Variants in C1QTNF3 observed in about 807,000 individuals in gnomAD.
C1QTNF3 encodes C1q and TNF related 3, also known as complement C1q tumor necrosis factor-related protein 3.
Under a neutral mutation model 32.6 loss-of-function variants are expected in C1QTNF3, and 26 were observed. The ratio of observed to expected loss-of-function variants is 0.80; its 90% CI spans 0.58 to 1.11. The LOEUF is 1.11. Among genes scored for constraint, C1QTNF3 ranks in the 50% least tolerant of loss-of-function variants. C1QTNF3 has a pLI of 0.00. For missense variants in C1QTNF3, 362 were observed against 398.2 expected, an observed-to-expected ratio of 0.91 and a Z score of 0.77; for synonymous variants, 155 against 146.0, an observed-to-expected ratio of 1.06 and a Z score of -0.44.
At chr5:34,237,250 A>G in the C1QTNF3 span, among the ~76,000 whole-genome samples, 1 of 152,188 alleles carries the variant, frequency 6.6e-6, no homozygotes. Flanking sequence ...TACGGGTAAA[A>G]TGACAAATTC....
At chr5:34,197,922 T>G in the C1QTNF3 span, among the ~76,000 whole-genome samples, 1 of 151,856 alleles carries the variant, frequency 6.6e-6, no homozygotes, top group African/African-American at 2.4e-5. Context: ...AGGACGCTTT[T>G]TGGGGTCTCT....
chr5:34,156,035 C>T, the C1QTNF3 span, among the ~76,000 whole-genome samples: 76,286 of 151,988 alleles, frequency 0.5, 20,954 homozygotes, highest in Non-Finnish European at 0.61. Context: ...GTCTCGACTA[C>T]ACCATGAGGA....
chr5:34,243,912 ACTAT>A, the C1QTNF3 span, among the ~76,000 whole-genome samples: 4 of 152,130 alleles, frequency 2.6e-5, no homozygotes, highest in Admixed American at 6.5e-5. Flanking sequence ...CTGCATATGC[ACTAT>A]CTGTGTCTGA....
chr5:34,032,847 T>C (rs1212910343), intron 3 of C1QTNF3, among the ~76,000 whole-genome samples: 1 of 152,088 alleles, frequency 6.6e-6, no homozygotes, highest in Non-Finnish European at 1.5e-5. Flanking sequence ...GAAAACAATA[T>C]ATATCAATAT....
the C1QTNF3 span, among the ~76,000 whole-genome samples, chr5:34,049,014 C>A: frequency 1.3e-5 from 2 of 152,074 alleles, no homozygotes. Context: ...TTTCTTTCTT[C>A]AGACAGAGGG....
chr5:34,046,860 T>C (rs139617747), upstream of C1QTNF3, among the ~76,000 whole-genome samples: 641 of 152,334 alleles, frequency 4.2e-3, 8 homozygotes, highest in African/African-American at 0.015. Context: ...CTTAAGTTCA[T>C]GGGCAGTAAG....
the C1QTNF3 span, among the ~76,000 whole-genome samples, chr5:34,139,211 C>A: frequency 4.4e-4 from 66 of 151,290 alleles, no homozygotes; most frequent in African/African-American, 1.5e-3. Flanking sequence ...TATATGTGTG[C>A]TTATATATAC....
At chr5:34,141,962 C>A in the C1QTNF3 span, among the ~76,000 whole-genome samples, 1 of 152,028 alleles carries the variant, frequency 6.6e-6, no homozygotes, top group Non-Finnish European at 1.5e-5. Context: ...GAGCCAAGAT[C>A]TGTGGCCATT....
the C1QTNF3 span, among the ~76,000 whole-genome samples, chr5:34,162,495 G>A: frequency 1.3e-5 from 2 of 151,962 alleles, no homozygotes; most frequent in Non-Finnish European, 2.9e-5. Flanking sequence ...AACCATAGCA[G>A]GTATATAATC....
the C1QTNF3 span, among the ~76,000 whole-genome samples, chr5:34,156,712 A>C: frequency 6.6e-6 from 1 of 152,348 alleles, no homozygotes; most frequent in East Asian, 1.9e-4. Flanking sequence ...GTGGGGGGAA[A>C]TTATTGACCC....
At chr5:34,062,680 G>A in the C1QTNF3 span, among the ~76,000 whole-genome samples, 2 of 152,144 alleles carry the variant, frequency 1.3e-5, no homozygotes, top group Admixed American at 6.5e-5. Context: ...GCCATTTATC[G>A]TCCTGTCCTG....
At chr5:34,163,376 A>G in the C1QTNF3 span, among the ~76,000 whole-genome samples, 6 of 152,086 alleles carry the variant, frequency 3.9e-5, no homozygotes, top group African/African-American at 1.4e-4. Flanking sequence ...TAGGAAGTCA[A>G]TGTTTCTTTA....
At chr5:34,235,265 A>G in the C1QTNF3 span, among the ~76,000 whole-genome samples, 21 of 152,252 alleles carry the variant, frequency 1.4e-4, 1 homozygote, top group Middle Eastern at 3.4e-3. Flanking sequence ...TAATTCCACC[A>G]TTACTAGACT....
chr5:34,172,191 C>T, the C1QTNF3 span, among the ~76,000 whole-genome samples: 1 of 151,986 alleles, frequency 6.6e-6, no homozygotes, highest in Non-Finnish European at 1.5e-5. Context: ...ACATACTGTA[C>T]TATGTATTTT....
upstream of C1QTNF3, among the ~76,000 whole-genome samples, chr5:34,047,294 G>A (rs557393823): frequency 6.6e-6 from 1 of 152,388 alleles, no homozygotes; most frequent in Non-Finnish European, 1.5e-5. Flanking sequence ...GAGCAGCAGA[G>A]GTGCAGATGC....
In C1QTNF3 at chr5:34,017,928, AT is replaced by A. The variant is rs942190705; in HGVS notation, c.*2654del. 2.0e-5 allele frequency among the ~76,000 whole-genome samples: 3 copies of A among 149,506 alleles called. No homozygotes were observed. Among genetic ancestry groups the A allele is most frequent in the African/African-American group, 4.9e-5 (2 of 40,582 alleles). Reference sequence around the variant, plus strand: ...ACATATTATTTGTAATAAAAAAAAAATAATATTTTCCAAAACAGGAAAGTTA... The same window carrying A: ...ACATATTATTTGTAATAAAAAAAAAAAATATTTTCCAAAACAGGAAAGTTA... On this transcript the variant is annotated 3_prime_UTR_variant, in exon 6 of 6. Coordinates refer to ENST00000382065, the MANE Select transcript of C1QTNF3 (RefSeq NM_181435.6).
At chr5:34,056,947 A>G in the C1QTNF3 span, among the ~76,000 whole-genome samples, 2 of 152,240 alleles carry the variant, frequency 1.3e-5, no homozygotes, top group Admixed American at 1.3e-4. Context: ...TAATGCCATC[A>G]GCAGAACCAC....
chr5:34,224,470 C>T, the C1QTNF3 span, among the ~76,000 whole-genome samples: 250 of 152,254 alleles, frequency 1.6e-3, no homozygotes, highest in African/African-American at 5.2e-3. Context: ...ATCAATGGAA[C>T]AGAACAGAGC....
At chr5:34,128,340 G>T in the C1QTNF3 span, among the ~76,000 whole-genome samples, 1 of 152,202 alleles carries the variant, frequency 6.6e-6, no homozygotes, top group Non-Finnish European at 1.5e-5. Context: ...CTCTATGAGG[G>T]CAGTGCACAG....
Sources: gnomAD v4.1 joint callset for allele counts (sites outside exome capture counted in the v4.1 genomes callset) on GRCh38, gnomAD v4.1.1 for gene constraint, MANE v1.5 for transcripts, NCBI Gene and HGNC (gene_info 2026-07-23, HGNC 2026-07-21) for gene names.